Variants in NKAP observed in about 807,000 individuals in gnomAD.
NKAP encodes the protein NF-kappa-B-activating protein.
NKAP carries 4 observed loss-of-function variants against 35.6 expected under a neutral mutation model. The ratio of observed to expected loss-of-function variants is 0.11; its 90% CI spans 0.06 to 0.26. NKAP has a LOEUF of 0.26. Among genes scored for constraint, NKAP ranks in the 10% least tolerant of loss-of-function variants. The pLI is 1.00. For missense variants in NKAP, 238 were observed against 321.9 expected (o/e 0.74, Z 1.99); for synonymous variants, 106 against 119.2 (o/e 0.89, Z 0.72).
At chrX:119,936,514 A>G (rs922961933) in intron 3 of NKAP, 83 bp from the exon 4 acceptor site, 1 of 966,652 alleles carries the variant, frequency 1.0e-6, no homozygotes. Context: ...CAATTTGAGT[A>G]AAAGCAAAGT....
rs778385699 is a variant in NKAP at position 119,943,522 on chromosome X, C to T, written c.84G>A (p.Pro28=). The T allele has an allele frequency of 1.7e-6, 2 of 1,210,878 alleles. No homozygotes were observed. The highest frequency in any genetic ancestry group is 5.9e-5 in the East Asian group (2 of 33,781). The part of the protein sequence containing the change: ...GGRRRSSSKS[P]KPSKSARSPR... The stretch of plus-strand genomic sequence containing the variant: ...GGGAGCGGGCAGATTTGCTGGGCTT[C>T]GGACTCTTCGACGAACTGCGACGTC... Residue 28 remains proline, a synonymous_variant, in exon 1 of 9, where the codon CCG becomes CCA. Transcript: ENST00000371410.
intron 8 of NKAP, among the ~76,000 whole-genome samples, chrX:119,928,571 T>C (rs2056726028): frequency 9.4e-6 from 1 of 106,680 alleles, no homozygotes; most frequent in Admixed American, 9.9e-5. Flanking sequence ...AAAAATGACA[T>C]TTTTTTTTTA....
intron 4 of NKAP, among the ~76,000 whole-genome samples, chrX:119,935,292 G>A: frequency 9.0e-6 from 1 of 111,648 alleles, no homozygotes; most frequent in African/African-American, 3.3e-5. Context: ...AGTAAACCAA[G>A]CTGGATGGAG....
At chrX:119,929,490 T>C (rs1486984265) in intron 8 of NKAP, among the ~76,000 whole-genome samples, 1 of 112,462 alleles carries the variant, frequency 8.9e-6, no homozygotes, top group Non-Finnish European at 1.9e-5. Flanking sequence ...TCATTTCCCA[T>C]GCTGAATCCA....
chrX:119,932,050 C>T (rs1452055659), intron 6 of NKAP, 39 bp from the exon 7 acceptor site: 1 of 1,180,800 alleles, frequency 8.5e-7, no homozygotes, highest in Non-Finnish European at 1.2e-6. Flanking sequence ...CACATTCTGA[C>T]TAATTGGTTA....
At chrX:119,935,667 C>T (rs1214169365) in intron 4 of NKAP, among the ~76,000 whole-genome samples, 1 of 111,266 alleles carries the variant, frequency 9.0e-6, no homozygotes, top group Non-Finnish European at 1.9e-5. Flanking sequence ...CAGGAAACTT[C>T]GGCGATATCA....
intron 7 of NKAP, among the ~76,000 whole-genome samples, chrX:119,931,498 TC>T (rs1433150503): frequency 1.8e-5 from 2 of 109,733 alleles, no homozygotes; most frequent in Admixed American, 2.0e-4. Flanking sequence ...AGAGCGAGAC[TC>T]CGTCTCACAA....
At chrX:119,934,440 A>AG in intron 5 of NKAP, 54 bp downstream of exon 5, 1 of 672,401 alleles carries the variant, frequency 1.5e-6, no homozygotes, top group Non-Finnish European at 2.1e-6. Context: ...CAAAAAAAAA[A>AG]AAAAAAAAAA....
chrX:119,943,492 C>A lies in NKAP; in HGVS notation c.114G>T (p.Arg38=). Residue 38 remains arginine, a synonymous_variant, in exon 1 of 9, where the codon CGG becomes CGT. Transcript: ENST00000371410. ...AAGAGTGCGAGCGAGAGCGGCGGCC[C>A]CGCGGGGAGCGGGCAGATTTGCTGG... The part of the protein sequence containing the change: ...PKPSKSARSP[R]GRRSRSHSCS... 1 of 1,211,097 alleles carries A rather than the reference C, an allele frequency of 8.3e-7. No individual in the cohort carries two copies. The highest frequency in any genetic ancestry group is 1.1e-6 in the Non-Finnish European group (1 of 895,070).
Position 119,936,247 on chromosome X carries a change from G to A in NKAP, c.673+50C>T, listed in dbSNP as rs1207143232. The A allele has an allele frequency of 3.4e-6, 4 of 1,164,345 alleles. No homozygotes were observed. In the East Asian group the frequency reaches 1.2e-4, roughly 35 times the overall value. On this transcript the variant is annotated intron_variant, in intron 4 of 8. Transcript: ENST00000371410. ...CTTCTTCTAAAATAAGTTTTAAGAAGTAAAACTAGTTTTGAAGCAAGGCTT... is the reference window on the plus strand; with the variant it reads ...CTTCTTCTAAAATAAGTTTTAAGAAATAAAACTAGTTTTGAAGCAAGGCTT...
At chrX:119,936,726 G>C (rs371161970) in intron 2 of NKAP, 44 bp from the exon 3 acceptor site, 52 of 985,347 alleles carry the variant, frequency 5.3e-5, no homozygotes, top group Non-Finnish European at 7.1e-5. Flanking sequence ...AAAGTGATGA[G>C]ATATGGACCA....
chrX:119,938,845 G>T, intron 1 of NKAP, 35 bp from the exon 2 acceptor site: 1 of 979,032 alleles, frequency 1.0e-6, no homozygotes, highest in Non-Finnish European at 1.4e-6. Context: ...ATAACTCAAT[G>T]GCTGAGTTGT....
rs1309652220 is a variant in NKAP at position 119,943,538 on chromosome X, C to G, written c.68G>C (p.Ser23Thr). Residue 23 changes from serine (S) to threonine (T), a missense_variant, in exon 1 of 9, where the codon AGT becomes ACT. By Grantham distance (58) the Ser-to-Thr change is moderately conservative. This residue lies in a region of NKAP where 123 missense variants were observed against 115.3 expected (regional missense o/e 1.07). Transcript: ENST00000371410. ...GCTGGGCTTCGGACTCTTCGACGAA[C>G]TGCGACGTCTTCCCCCCGAGCCCGA... The part of the protein sequence containing the change: ...EASGSGGRRR[S>T]SSKSPKPSKS... 1.7e-6 allele frequency: 2 copies of G among 1,207,802 alleles called. No individual in the cohort carries two copies. Among genetic ancestry groups the G allele is most frequent in the Non-Finnish European group, 2.2e-6 (2 of 892,851 alleles).
At chrX:119,932,350 T>C (rs1052726958) in intron 5 of NKAP, 134 bp from the exon 6 acceptor site, 2 of 399,638 alleles carry the variant, frequency 5.0e-6, no homozygotes, top group African/African-American at 5.2e-5. Flanking sequence ...AAGGTGACAA[T>C]AAAATGATCT....
At position 119,935,849 on chromosome X, in the gene NKAP, T is replaced by C. The variant is rs192506430; in HGVS notation, c.673+448A>G. On this transcript the variant is annotated intron_variant, in intron 4 of 8. Coordinates refer to ENST00000371410, the MANE Select transcript of NKAP (RefSeq NM_024528.4). ...AGTAGGCACTTTATGGCATACCTTTTTGAAAACTGTAGAGGTGCTCATTGG... is the reference window on the plus strand; with the variant it reads ...AGTAGGCACTTTATGGCATACCTTTCTGAAAACTGTAGAGGTGCTCATTGG... Among the ~76,000 whole-genome samples, 283 of 111,827 alleles carry C rather than the reference T, an allele frequency of 2.5e-3. 3 individuals are homozygous for C. The highest frequency in any genetic ancestry group is 3.7e-3 in the Non-Finnish European group (194 of 53,117).
intron 3 of NKAP, 61 bp from the exon 4 acceptor site, chrX:119,936,492 A>G: frequency 5.0e-6 from 5 of 1,002,113 alleles, no homozygotes; most frequent in Non-Finnish European, 6.8e-6. Context: ...ATCAAAAGAA[A>G]CAGACGATGG....
chrX:119,932,314 T>C (rs2079586577), intron 5 of NKAP, 98 bp from the exon 6 acceptor site: 1 of 513,020 alleles, frequency 1.9e-6, no homozygotes. Flanking sequence ...CTGGTGACTA[T>C]ACATCTTAAT....
intron 1 of NKAP, among the ~76,000 whole-genome samples, chrX:119,940,576 T>G (rs1033047613): frequency 3.6e-5 from 4 of 111,919 alleles, no homozygotes; most frequent in African/African-American, 1.3e-4. Flanking sequence ...CTAAGGCTCA[T>G]TCTCTCAAAT....
At chrX:119,929,078 G>A in intron 8 of NKAP, among the ~76,000 whole-genome samples, 1 of 109,414 alleles carries the variant, frequency 9.1e-6, no homozygotes, top group South Asian at 3.9e-4. Context: ...TGTGTTTTTA[G>A]TAGAGAAGGG....
Sources: allele counts gnomAD v4.1 joint callset (sites outside exome capture counted in the v4.1 genomes callset), GRCh38; gene constraint gnomAD v4.1.1; regional missense constraint gnomAD v4.1.1; transcripts MANE v1.5; gene names NCBI Gene and HGNC (gene_info 2026-07-23, HGNC 2026-07-21).